SLC4A7: variants seen among roughly 807,000 people sequenced by gnomAD.
The protein encoded by SLC4A7 is solute carrier family 4 member 7, also known as sodium bicarbonate cotransporter 3.
SLC4A7 carries 51 observed loss-of-function variants against 137.6 expected under a neutral mutation model. The observed-to-expected ratio is 0.37, with a 90% CI of 0.30 to 0.47. The LOEUF (loss-of-function observed/expected upper bound fraction) is 0.47, where lower values mean the gene tolerates loss of function less well. Ranked by LOEUF, SLC4A7 falls within the 20% of genes least tolerant of loss-of-function variation. The pLI is 1.00. For synonymous variants in SLC4A7, 542 were observed against 518.6 expected (o/e 1.05, Z -0.61); for missense variants, 1,247 against 1,525.4 (o/e 0.82, Z 3.04).
chr3:27,419,286 T>A (rs758027020), intron 10 of SLC4A7, among the ~76,000 whole-genome samples: 2 of 151,950 alleles, frequency 1.3e-5, no homozygotes, highest in Admixed American at 6.5e-5. Context: ...AGGAGGTAAC[T>A]GACCAGGCAC....
chr3:27,402,137 A>G (rs752771671), intron 15 of SLC4A7, among the ~76,000 whole-genome samples: 47 of 152,132 alleles, frequency 3.1e-4, no homozygotes, highest in Non-Finnish European at 6.0e-4. Context: ...TGGTAACCAT[A>G]TTTTTCCCTG....
chr3:27,475,442 A>G (rs2059424579), intron 1 of SLC4A7, among the ~76,000 whole-genome samples: 1 of 151,932 alleles, frequency 6.6e-6, no homozygotes, highest in Admixed American at 6.6e-5. Context: ...CATATTAGAA[A>G]TAGGGAACCC....
intron 1 of SLC4A7, among the ~76,000 whole-genome samples, chr3:27,478,742 C>T (rs529651047): frequency 1.3e-5 from 2 of 151,112 alleles, no homozygotes; most frequent in South Asian, 4.2e-4. Context: ...AATCCCAGCA[C>T]TTTGGGAGGC....
intron 4 of SLC4A7, among the ~76,000 whole-genome samples, chr3:27,437,169 G>A (rs897307486): frequency 3.9e-5 from 6 of 152,034 alleles, no homozygotes; most frequent in African/African-American, 1.4e-4. Context: ...TCGCCAACTT[G>A]GTGAAACCCC....
chr3:27,453,442 C>T (rs887941095), intron 1 of SLC4A7, among the ~76,000 whole-genome samples: 2 of 152,092 alleles, frequency 1.3e-5, no homozygotes, highest in African/African-American at 4.8e-5. Context: ...GGAGAAACCC[C>T]ATCTCCACTA....
intron 16 of SLC4A7, among the ~76,000 whole-genome samples, chr3:27,400,265 T>C (rs2150138562): frequency 6.6e-6 from 1 of 152,334 alleles, no homozygotes; most frequent in East Asian, 1.9e-4. Flanking sequence ...TTCCTTTCTC[T>C]TCCCTTAATG....
intron 3 of SLC4A7, among the ~76,000 whole-genome samples, chr3:27,445,330 C>A (rs2057504590): frequency 6.6e-6 from 1 of 152,066 alleles, no homozygotes; most frequent in Non-Finnish European, 1.5e-5. Flanking sequence ...TCCCCAAATT[C>A]CAATCTATGC....
intron 1 of SLC4A7, among the ~76,000 whole-genome samples, chr3:27,458,406 A>T (rs1448498849): frequency 2.0e-5 from 3 of 152,204 alleles, no homozygotes; most frequent in African/African-American, 7.2e-5. Context: ...ACAACTTTAC[A>T]TAGGGAGACT....
At chr3:27,401,062 C>T (rs970947527) in intron 15 of SLC4A7, 193 bp from the exon 16 acceptor site, 1 of 427,630 alleles carries the variant, frequency 2.3e-6, no homozygotes, top group African/African-American at 2.0e-5. Flanking sequence ...TAAAATAAAA[C>T]CAATACAAAT....
intron 3 of SLC4A7, among the ~76,000 whole-genome samples, chr3:27,446,657 C>CT (rs2057659294): frequency 2.0e-5 from 3 of 151,964 alleles, no homozygotes; most frequent in Admixed American, 2.0e-4. Flanking sequence ...ACAGAAGAAC[C>CT]TAGGATATCC....
At chr3:27,385,164 T>C (rs1244977021) in intron 23 of SLC4A7, among the ~76,000 whole-genome samples, 1 of 152,168 alleles carries the variant, frequency 6.6e-6, no homozygotes, top group Non-Finnish European at 1.5e-5. Context: ...TTTCTTATCT[T>C]TGATTTTCAA....
Position 27,373,936 on chromosome 3 carries a change from T to C in SLC4A7, c.*2828A>G, listed in dbSNP as rs989615774. The C allele has an allele frequency of 1.3e-5, 2 of 152,528 alleles. No individual in the cohort carries two copies. The highest frequency in any genetic ancestry group is 4.8e-5 in the African/African-American group (2 of 41,448). The allele number at this position is 152,528 out of a possible 1,614,324, so 9.4% of individuals were successfully genotyped here. A position where few individuals can be genotyped will look rare whatever the true frequency, so the allele number is the denominator to read the frequency against. ...GCTTTTTAAAACAACTTTTAACAGA[T>C]ATAAGATCAGTATCATTCACATTCA... On this transcript the variant is annotated 3_prime_UTR_variant, in exon 26 of 26. Coordinates refer to ENST00000454389, the MANE Select transcript of SLC4A7 (RefSeq NM_001321103.2).
intron 11 of SLC4A7, among the ~76,000 whole-genome samples, chr3:27,418,271 A>T (rs1210660769): frequency 6.6e-6 from 1 of 152,198 alleles, no homozygotes; most frequent in African/African-American, 2.4e-5. Context: ...ACAAGACTAC[A>T]TGTTCATAGT....
At chr3:27,474,344 G>A (rs1051409078) in intron 1 of SLC4A7, among the ~76,000 whole-genome samples, 1 of 152,062 alleles carries the variant, frequency 6.6e-6, no homozygotes, top group Non-Finnish European at 1.5e-5. Context: ...TTAAACACAA[G>A]GTAAGTTTTA....
At chr3:27,433,835 C>T (rs2056515779) in intron 6 of SLC4A7, 81 bp downstream of exon 6, 37 of 1,226,264 alleles carry the variant, frequency 3.0e-5, no homozygotes, top group Non-Finnish European at 4.2e-5. Flanking sequence ...GTTTAAATAT[C>T]CCCAAATGTT....
At chr3:27,435,976 C>T (rs1055367011) in intron 5 of SLC4A7, among the ~76,000 whole-genome samples, 1 of 152,204 alleles carries the variant, frequency 6.6e-6, no homozygotes, top group Non-Finnish European at 1.5e-5. Flanking sequence ...TCCTGAGATT[C>T]CTGTCTATAC....
At chr3:27,463,325 G>A (rs577061796) in intron 1 of SLC4A7, among the ~76,000 whole-genome samples, 150 of 152,210 alleles carry the variant, frequency 9.9e-4, no homozygotes, top group African/African-American at 3.5e-3. Flanking sequence ...AGCTACTCAG[G>A]AAGCTGGGGC....
At chr3:27,457,028 G>T in intron 1 of SLC4A7, 1 of 592,242 alleles carries the variant, frequency 1.7e-6, no homozygotes, top group Non-Finnish European at 2.1e-6. Flanking sequence ...GTGGATGGAT[G>T]TGTGAGAGTA....
At chr3:27,433,744 C>T (rs1178268529) in intron 6 of SLC4A7, among the ~76,000 whole-genome samples, 172 bp downstream of exon 6, 1 of 152,064 alleles carries the variant, frequency 6.6e-6, no homozygotes, top group East Asian at 1.9e-4. Context: ...ATAATTTATG[C>T]CTCTTTAATT....
Sources: allele counts gnomAD v4.1 joint callset (sites outside exome capture counted in the v4.1 genomes callset), GRCh38; gene constraint gnomAD v4.1.1; transcripts MANE v1.5; gene names NCBI Gene and HGNC (gene_info 2026-07-23, HGNC 2026-07-21).